The following COL24A1 variants were observed in gnomAD, a reference collection of about 807,000 sequenced individuals.
COL24A1 encodes collagen type XXIV alpha 1 chain.
A neutral mutation model predicts 253.9 loss-of-function variants in COL24A1; 224 were observed. The observed-to-expected ratio is 0.88, with a 90% CI of 0.79 to 0.99. The LOEUF is 0.99. Among genes scored for constraint, COL24A1 ranks in the 50% least tolerant of loss-of-function variants. COL24A1 has a pLI of 0.00. For synonymous variants in COL24A1, 685 were observed against 673.7 expected (o/e 1.02, Z -0.26); for missense variants, 2,131 against 2,068.5 (o/e 1.03, Z -0.59).
intron 58 of COL24A1, chr1:85,736,029 G>C (rs1416531965): frequency 4.4e-6 from 1 of 225,044 alleles, no homozygotes; most frequent in Non-Finnish European, 9.0e-6. Context: ...ATTAGAGTCA[G>C]AAACTTGCAA....
At chr1:86,150,874 G>C (rs1652666276) in intron 1 of COL24A1, among the ~76,000 whole-genome samples, 1 of 152,016 alleles carries the variant, frequency 6.6e-6, no homozygotes, top group African/African-American at 2.4e-5. Context: ...GTCCTTCTGG[G>C]TCTTAGCTGA....
intron 20 of COL24A1, among the ~76,000 whole-genome samples, chr1:85,982,379 G>A (rs1378478891): frequency 6.6e-6 from 1 of 152,038 alleles, no homozygotes; most frequent in Non-Finnish European, 1.5e-5. Flanking sequence ...TTACAATACT[G>A]TAAACAAATC....
chr1:86,049,389 C>G (rs996947577), intron 11 of COL24A1, among the ~76,000 whole-genome samples: 2 of 152,178 alleles, frequency 1.3e-5, no homozygotes, highest in Non-Finnish European at 2.9e-5. Flanking sequence ...GCAAAAATCA[C>G]TTGCCAGAAA....
chr1:85,816,472 A>C (rs1016473105), intron 47 of COL24A1, among the ~76,000 whole-genome samples: 2 of 152,228 alleles, frequency 1.3e-5, no homozygotes, highest in African/African-American at 2.4e-5. Flanking sequence ...AAAACATTTG[A>C]TGAACTCAAA....
intron 2 of COL24A1, among the ~76,000 whole-genome samples, chr1:86,136,097 AT>A (rs1650207214): frequency 6.6e-6 from 1 of 152,000 alleles, no homozygotes; most frequent in Non-Finnish European, 1.5e-5. Context: ...ACAACCCTTC[AT>A]TCTCTTTCCT....
At chr1:86,063,977 T>C (rs1701300034) in intron 7 of COL24A1, among the ~76,000 whole-genome samples, 1 of 152,026 alleles carries the variant, frequency 6.6e-6, no homozygotes, top group Non-Finnish European at 1.5e-5. Flanking sequence ...AATAATTTAA[T>C]CTTGCATGTT....
chr1:85,947,882 G>A (rs1013509984), intron 24 of COL24A1, among the ~76,000 whole-genome samples: 16 of 151,660 alleles, frequency 1.1e-4, no homozygotes, highest in Admixed American at 3.3e-4. Context: ...TATGGAATTT[G>A]GCAGCCATGC....
intron 24 of COL24A1, among the ~76,000 whole-genome samples, chr1:85,933,378 A>G (rs1687976673): frequency 6.6e-6 from 1 of 152,120 alleles, no homozygotes; most frequent in Non-Finnish European, 1.5e-5. Context: ...TTTTTAACAC[A>G]CTATTATTAT....
At chr1:86,010,569 G>C (rs189272280) in intron 19 of COL24A1, among the ~76,000 whole-genome samples, 10 of 152,136 alleles carry the variant, frequency 6.6e-5, no homozygotes, top group Admixed American at 1.3e-4. Context: ...ATCTTCTTTC[G>C]ACATAGCAAT....
chr1:86,100,739 G>C (rs1338246755), intron 5 of COL24A1, among the ~76,000 whole-genome samples: 1 of 150,982 alleles, frequency 6.6e-6, no homozygotes, highest in Non-Finnish European at 1.5e-5. Flanking sequence ...AGGGGAGAGA[G>C]GGGCTAGAAA....
intron 37 of COL24A1, among the ~76,000 whole-genome samples, chr1:85,850,345 A>G (rs549798841): frequency 5.3e-5 from 8 of 152,212 alleles, no homozygotes; most frequent in African/African-American, 9.6e-5. Context: ...TAGACAAGAA[A>G]TAACTTGTGG....
At chr1:86,030,782 C>A (rs547113095) in intron 14 of COL24A1, among the ~76,000 whole-genome samples, 160 of 147,502 alleles carry the variant, frequency 1.1e-3, no homozygotes, top group Non-Finnish European at 1.9e-3. Context: ...GTTGTTGTAG[C>A]ATTGGGATCT....
At chr1:85,890,334 G>A (rs1682984774) in intron 31 of COL24A1, among the ~76,000 whole-genome samples, 1 of 151,842 alleles carries the variant, frequency 6.6e-6, no homozygotes, top group Non-Finnish European at 1.5e-5. Context: ...GTTTTCCACA[G>A]CAGTTCCCCT....
At chr1:86,006,391 G>A (rs774630947) in intron 19 of COL24A1, among the ~76,000 whole-genome samples, 1 of 152,178 alleles carries the variant, frequency 6.6e-6, no homozygotes, top group Non-Finnish European at 1.5e-5. Flanking sequence ...ACAAAGGAGC[G>A]AAGGCAGTAC....
chr1:86,053,292 T>A (rs1206941643), intron 10 of COL24A1, among the ~76,000 whole-genome samples: 1 of 152,070 alleles, frequency 6.6e-6, no homozygotes, highest in Non-Finnish European at 1.5e-5. Context: ...GTGAACTAAA[T>A]AATCAATTGA....
intron 19 of COL24A1, among the ~76,000 whole-genome samples, chr1:85,995,248 T>TA (rs200443950): frequency 1.5e-4 from 23 of 151,410 alleles, no homozygotes; most frequent in African/African-American, 1.7e-4. Context: ...TTCAGCTAAT[T>TA]AAAAAAATTT....
At chr1:86,045,605 T>C (rs1008180295) in intron 12 of COL24A1, among the ~76,000 whole-genome samples, 1 of 151,932 alleles carries the variant, frequency 6.6e-6, no homozygotes, top group African/African-American at 2.4e-5. Context: ...TAACAGAGTA[T>C]AGTTAAATGA....
At chr1:85,959,996 T>C (rs1282738548) in intron 24 of COL24A1, among the ~76,000 whole-genome samples, 2 of 152,152 alleles carry the variant, frequency 1.3e-5, no homozygotes, top group East Asian at 1.9e-4. Flanking sequence ...AAATACTTCC[T>C]TGAAACTTTC....
At chr1:85,741,128 AAAAAGAAAAG>A (rs752819577) in intron 57 of COL24A1, among the ~76,000 whole-genome samples, 2 of 151,122 alleles carry the variant, frequency 1.3e-5, no homozygotes, top group Non-Finnish European at 3.0e-5. Flanking sequence ...CAAAAAAAAA[AAAAAGAAAAG>A]AAAAGAAAAG....
Sources: gnomAD v4.1 joint callset for allele counts (sites outside exome capture counted in the v4.1 genomes callset) on GRCh38, gnomAD v4.1.1 for gene constraint, MANE v1.5 for transcripts, NCBI Gene and HGNC (gene_info 2026-07-23, HGNC 2026-07-21) for gene names.